The following TMOD4 variants were observed in gnomAD, a reference collection of about 807,000 sequenced individuals.
The protein encoded by TMOD4 is tropomodulin 4, also known as tropomodulin-4.
In TMOD4, 34 loss-of-function variants were observed where a neutral mutation model predicts 45.4. The observed-to-expected ratio is 0.75, with a 90% CI of 0.57 to 1.00. The LOEUF (loss-of-function observed/expected upper bound fraction) is 1.00, where lower values mean the gene tolerates loss of function less well. TMOD4 is among the 50% of genes least tolerant of loss of function. The pLI, the probability that TMOD4 is intolerant of heterozygous loss-of-function variation, is 0.00. For missense variants in TMOD4, 399 were observed against 437.5 expected, an observed-to-expected ratio of 0.91 and a Z score of 0.78; for synonymous variants, 131 against 153.9, an observed-to-expected ratio of 0.85 and a Z score of 1.10.
intron 4 of TMOD4, among the ~76,000 whole-genome samples, chr1:151,173,279 C>T (rs749241144): frequency 1.3e-5 from 2 of 152,200 alleles, no homozygotes; most frequent in Middle Eastern, 3.4e-3. Context: ...AATGATTCCA[C>T]TTTTATTTGC....
chr1:151,174,316 A>G, intron 3 of TMOD4, 75 bp downstream of exon 3: 1 of 1,530,086 alleles, frequency 6.5e-7, no homozygotes, highest in Non-Finnish European at 8.9e-7. Flanking sequence ...GTGAGAGGGA[A>G]ACTGGAGTGG....
In TMOD4 at chr1:151,175,979, T is replaced by G. The variant is rs1684086777; in HGVS notation, c.-98A>C. Reference sequence around the variant, plus strand: ...CCCCTGTGTCAGTAGGTCTGTCTGTTCTACTAGAGCACTGTCCCAGCAGCA... The same window carrying G: ...CCCCTGTGTCAGTAGGTCTGTCTGTGCTACTAGAGCACTGTCCCAGCAGCA... On this transcript the variant is annotated 5_prime_UTR_variant, in exon 1 of 10. Coordinates refer to ENST00000295314, the MANE Select transcript of TMOD4 (RefSeq NM_013353.3). 6.5e-6 allele frequency: 1 copy of G among 152,804 alleles called. No individual in the cohort carries two copies. Among genetic ancestry groups the G allele is most frequent in the Non-Finnish European group, 1.5e-5 (1 of 68,548 alleles). 9.5% of individuals were successfully genotyped at this position (152,804 alleles called of 1,614,324 possible). A position where few individuals can be genotyped will look rare whatever the true frequency, so the allele number is the denominator to read the frequency against.
At chr1:151,174,356 G>T in intron 3 of TMOD4, 35 bp downstream of exon 3, 1 of 1,604,242 alleles carries the variant, frequency 6.2e-7, no homozygotes, top group Non-Finnish European at 8.5e-7. Flanking sequence ...CAGCCACTTG[G>T]GTTCTACGAG....
chr1:151,174,391 C>A lies in TMOD4; in HGVS notation c.280G>T (p.Gly94Trp), dbSNP rs587745563. The A allele has an allele frequency of 6.2e-7, 1 of 1,613,954 alleles. No individual in the cohort carries two copies. The highest frequency in any genetic ancestry group is 8.5e-7 in the Non-Finnish European group (1 of 1,179,896). Reference sequence around the variant, plus strand: ...GGCATGGATGTCAGGGTCCCCATACCCTTCTTCTCGCCTGTGAAGGGCACC... The same window carrying A: ...GGCATGGATGTCAGGGTCCCCATACACTTCTTCTCGCCTGTGAAGGGCACC... ...DLVPFTGEKK[G>W]KPYIQPKREI... is the part of the protein sequence containing the mutation. Residue 94 changes from glycine to tryptophan, a missense_variant and splice_region_variant, in exon 3 of 10, where the codon GGG (glycine) becomes TGG (tryptophan). By Grantham distance (184) the Gly-to-Trp change is radical. Transcript: ENST00000295314.
chr1:151,170,789 T>C (rs1402831417), intron 8 of TMOD4, 126 bp from the exon 9 acceptor site: 6 of 1,515,728 alleles, frequency 4.0e-6, no homozygotes, highest in Non-Finnish European at 5.3e-6. Flanking sequence ...AGATGCTGAC[T>C]TGGCTTCCCT....
chr1:151,170,934 G>T lies in TMOD4; in HGVS notation c.856C>A (p.Arg286Ser). 1 of 1,614,100 alleles carries T rather than the reference G, an allele frequency of 6.2e-7. No individual in the cohort carries two copies. The highest frequency in any genetic ancestry group is 8.5e-7 in the Non-Finnish European group (1 of 1,180,024). The change falls in exon 8 of 10, where the codon CGT (arginine) becomes AGT (serine). Residue 286 changes from arginine to serine, a missense_variant. Coordinates refer to ENST00000295314, the MANE Select transcript of TMOD4 (RefSeq NM_013353.3). ...GGAATGCTGACCTGATTGTCTACAC[G>T]GAGCTCAGTGAGTGTGGCATTTTCC... is the stretch of plus-strand genomic sequence containing the variant. ...VRENATLTEL[R>S]VDNQRQWPGD...
chr1:151,172,411 C>A (rs1029614777), intron 4 of TMOD4, 54 bp from the exon 5 acceptor site: 7 of 1,376,586 alleles, frequency 5.1e-6, no homozygotes, highest in African/African-American at 1.4e-5. Flanking sequence ...CTGTTCCAAG[C>A]CTCCCTCCTA....
chr1:151,171,250 G>T (rs587752990), intron 7 of TMOD4, among the ~76,000 whole-genome samples, 183 bp downstream of exon 7: 24 of 152,270 alleles, frequency 1.6e-4, no homozygotes, highest in African/African-American at 5.8e-4. Flanking sequence ...TGTGCAGTGG[G>T]ACTAGGGGTG....
rs1276769696 is a variant in TMOD4 at position 151,171,619 on chromosome 1, T to C, written c.618+14A>G. The C allele has an allele frequency of 6.2e-7, 1 of 1,614,166 alleles. No individual in the cohort carries two copies. On this transcript the variant is annotated intron_variant, in intron 6 of 9. Coordinates refer to ENST00000295314, the MANE Select transcript of TMOD4 (RefSeq NM_013353.3). Reference sequence around the variant, plus strand: ...TTATCCGGTGTTATGGTTTGGAGGATGCAAGTCAAATACCTGTATATTATT... The same window carrying C: ...TTATCCGGTGTTATGGTTTGGAGGACGCAAGTCAAATACCTGTATATTATT...
At chr1:151,170,142 G>A in intron 9 of TMOD4, 39 bp from the exon 10 acceptor site, 2 of 1,613,578 alleles carry the variant, frequency 1.2e-6, no homozygotes, top group Non-Finnish European at 1.7e-6. Context: ...GTTTGTTCCA[G>A]CTCCTGCTTT....
At chr1:151,171,853 T>A in intron 5 of TMOD4, 90 bp from the exon 6 acceptor site, 1 of 1,360,056 alleles carries the variant, frequency 7.4e-7, no homozygotes, top group Admixed American at 2.5e-5. Flanking sequence ...TTTTTTTTTT[T>A]GAGATGGAGT....
intron 9 of TMOD4, 42 bp downstream of exon 9, chr1:151,170,477 A>C: frequency 6.2e-7 from 1 of 1,608,674 alleles, no homozygotes; most frequent in Non-Finnish European, 8.5e-7. Context: ...CAATTTCTGC[A>C]CTTCCCTGAC....
chr1:151,174,313 G>A (rs778683149), intron 3 of TMOD4, 78 bp downstream of exon 3: 6 of 1,518,796 alleles, frequency 4.0e-6, no homozygotes, highest in Non-Finnish European at 5.4e-6. Flanking sequence ...AAGGTGAGAG[G>A]GAAACTGGAG....
intron 4 of TMOD4, 43 bp from the exon 5 acceptor site, chr1:151,172,400 C>T (rs763706262): frequency 2.0e-6 from 3 of 1,491,354 alleles, no homozygotes; most frequent in African/African-American, 1.4e-5. Flanking sequence ...TGAGAAGGAA[C>T]CTGTTCCAAG....
chr1:151,170,013 AAAG>A lies in TMOD4; in HGVS notation c.*65_*67del, dbSNP rs777175423. 6.3e-7 allele frequency: 1 copy of A among 1,581,868 alleles called. No individual in the cohort carries two copies. The highest frequency in any genetic ancestry group is 8.7e-7 in the Non-Finnish European group (1 of 1,151,282). On this transcript the variant is annotated 3_prime_UTR_variant, in exon 10 of 10. Coordinates refer to ENST00000295314, the MANE Select transcript of TMOD4 (RefSeq NM_013353.3). ...GGATAGAAGGGCTTTTATTTACAGG[AAAG>A]GAGGACAGATGAGGATTTAAGTGTC...
chr1:151,172,317 G>GTAT lies in TMOD4; in HGVS notation c.435_437dup (p.Gln145_Tyr146insTer). ...TTTCTCCACTGCAGAGGGCATCATAGTATTGCTTGTTACTCATCAGTGTGT... is the reference window on the plus strand; with the variant it reads ...TTTCTCCACTGCAGAGGGCATCATAGTATTATTGCTTGTTACTCATCAGTGTGT... On this transcript the variant is annotated stop_gained, in exon 5 of 10. Transcript: ENST00000295314. LOFTEE classifies it high-confidence loss of function. 6.2e-7 allele frequency: 1 copy of GTAT among 1,613,844 alleles called. No individual in the cohort carries two copies. Among genetic ancestry groups the GTAT allele is most frequent in the Non-Finnish European group, 8.5e-7 (1 of 1,179,818 alleles).
Position 151,170,516 on chromosome 1 carries a change from C to CA in TMOD4, c.1015+2dup. ...TCCACACATCATGTCTGCAGTTACTCACGTAGTTCATTGTTTCGGGTCATG... is the reference window on the plus strand; with the variant it reads ...TCCACACATCATGTCTGCAGTTACTCAACGTAGTTCATTGTTTCGGGTCATG... On this transcript the variant is annotated splice_region_variant and intron_variant, in intron 9 of 9. Coordinates refer to ENST00000295314, the MANE Select transcript of TMOD4 (RefSeq NM_013353.3). 1 of 1,614,146 alleles carries CA rather than the reference C, an allele frequency of 6.2e-7. No homozygotes were observed. The highest frequency in any genetic ancestry group is 8.5e-7 in the Non-Finnish European group (1 of 1,180,002).
At chr1:151,172,242 G>T in intron 5 of TMOD4, 26 bp downstream of exon 5, 2 of 1,588,428 alleles carry the variant, frequency 1.3e-6, no homozygotes, top group South Asian at 2.2e-5. Flanking sequence ...AGAGCCCTGG[G>T]GACCATGCTC....
At chr1:151,170,422 C>T in intron 9 of TMOD4, 97 bp downstream of exon 9, 1 of 1,538,916 alleles carries the variant, frequency 6.5e-7, no homozygotes, top group Non-Finnish European at 8.8e-7. Context: ...TCTTTGGTAG[C>T]ACCCTGGGCT....
Sources: allele counts gnomAD v4.1 joint callset (sites outside exome capture counted in the v4.1 genomes callset), GRCh38; gene constraint gnomAD v4.1.1; transcripts MANE v1.5; gene names NCBI Gene and HGNC (gene_info 2026-07-23, HGNC 2026-07-21).